The following ST6GAL1 variants were observed in gnomAD, a reference collection of about 807,000 sequenced individuals.
ST6GAL1 encodes the protein beta-galactoside alpha-2,6-sialyltransferase 1.
Under a neutral mutation model 38.0 loss-of-function variants are expected in ST6GAL1, and 20 were observed. That is an observed-to-expected ratio of 0.53 (90% CI 0.37 to 0.77). The LOEUF is 0.77. Among genes scored for constraint, ST6GAL1 ranks in the 30% least tolerant of loss-of-function variants. The probability of loss-of-function intolerance (pLI) is 0.00; values close to 1 mark genes in which losing one functional copy is unlikely to be tolerated. For synonymous variants in ST6GAL1, 196 were observed against 188.2 expected (o/e 1.04, Z -0.34); for missense variants, 432 against 496.4 (o/e 0.87, Z 1.23).
At chr3:186,937,061 CAGTT>C (rs1355306172) in intron 1 of ST6GAL1, among the ~76,000 whole-genome samples, 1 of 150,364 alleles carries the variant, frequency 6.7e-6, no homozygotes, top group African/African-American at 2.4e-5. Flanking sequence ...CCCCTCTTAA[CAGTT>C]GGCAATTTTC....
chr3:187,057,732 T>G (rs1170564663), intron 5 of ST6GAL1, among the ~76,000 whole-genome samples: 2 of 152,184 alleles, frequency 1.3e-5, no homozygotes, highest in African/African-American at 4.8e-5. Flanking sequence ...TGCCTCCCAG[T>G]TAGGCTACAC....
At chr3:186,958,203 G>A (rs1219288286) in intron 1 of ST6GAL1, among the ~76,000 whole-genome samples, 3 of 152,152 alleles carry the variant, frequency 2.0e-5, no homozygotes, top group South Asian at 4.1e-4. Flanking sequence ...TCTACAAATG[G>A]CAACTAAGAA....
intron 2 of ST6GAL1, among the ~76,000 whole-genome samples, chr3:186,977,666 C>T (rs897457219): frequency 1.5e-4 from 23 of 152,158 alleles, no homozygotes; most frequent in Admixed American, 1.4e-3. Context: ...GTCCTCTGAG[C>T]GCCTCAGGAG....
At chr3:187,042,604 A>G in intron 3 of ST6GAL1, 50 bp from the exon 4 acceptor site, 1 of 1,495,580 alleles carries the variant, frequency 6.7e-7, no homozygotes, top group Non-Finnish European at 8.9e-7. Context: ...CTCATGCCAC[A>G]TTGGGTTTTT....
Position 187,074,216 on chromosome 3 carries a change from C to T in ST6GAL1, c.862C>T (p.His288Tyr). 4 of 1,612,886 alleles carry T rather than the reference C, an allele frequency of 2.5e-6. No homozygotes were observed. Among genetic ancestry groups the T allele is most frequent in the Non-Finnish European group, 3.4e-6 (4 of 1,179,522 alleles). The change falls in exon 7 of 8, where the codon CAC becomes TAC. Residue 288 changes from histidine (H) to tyrosine (Y), a missense_variant. Coordinates refer to ENST00000169298, the MANE Select transcript of ST6GAL1 (RefSeq NM_173216.2). ...FNNYKTYRKL[H>Y]PNQPFYILKP... ...CAACTACAAGACTTATCGTAAGCTG[C>T]ACCCCAATCAGCCCTTTTACATCCT...
At chr3:186,970,262 T>A (rs1469541000) in intron 2 of ST6GAL1, among the ~76,000 whole-genome samples, 1 of 150,424 alleles carries the variant, frequency 6.6e-6, no homozygotes, top group Non-Finnish European at 1.5e-5. Context: ...TCACCCAGGC[T>A]GGAGTGCAGT....
At chr3:186,957,438 G>A (rs1714783939) in intron 1 of ST6GAL1, among the ~76,000 whole-genome samples, 1 of 151,980 alleles carries the variant, frequency 6.6e-6, no homozygotes, top group East Asian at 1.9e-4. Context: ...GTGGGACCCT[G>A]TCCCTCCCGC....
intron 2 of ST6GAL1, among the ~76,000 whole-genome samples, chr3:187,017,440 C>T (rs192332102): frequency 6.6e-6 from 1 of 152,002 alleles, no homozygotes; most frequent in Admixed American, 6.6e-5. Flanking sequence ...TAAGTGGTTC[C>T]CTTCACCTAC....
chr3:187,066,359 C>T (rs1008369521), intron 5 of ST6GAL1, among the ~76,000 whole-genome samples: 2 of 152,048 alleles, frequency 1.3e-5, no homozygotes, highest in Admixed American at 6.6e-5. Flanking sequence ...CTCTGCGGGT[C>T]TCTTCTTGTT....
At chr3:186,990,966 C>T (rs1388848732) in intron 2 of ST6GAL1, among the ~76,000 whole-genome samples, 3 of 150,978 alleles carry the variant, frequency 2.0e-5, no homozygotes, top group Non-Finnish European at 4.4e-5. Context: ...GTCTGCAGAC[C>T]GCTGGGCCGG....
intron 2 of ST6GAL1, among the ~76,000 whole-genome samples, chr3:186,988,349 T>C (rs535000475): frequency 2.0e-5 from 3 of 152,044 alleles, no homozygotes; most frequent in Non-Finnish European, 4.4e-5. Flanking sequence ...TGATTTAGAT[T>C]AACACATAAA....
At chr3:186,974,727 G>GGC (rs1553820231) in intron 2 of ST6GAL1, among the ~76,000 whole-genome samples, 2 of 23,066 alleles carry the variant, frequency 8.7e-5, no homozygotes, top group Non-Finnish European at 2.1e-4. Context: ...GAGCCTGGTT[G>GGC]GGGGGGGGGC....
chr3:187,014,872 G>A (rs945079574), intron 2 of ST6GAL1, among the ~76,000 whole-genome samples: 5 of 152,118 alleles, frequency 3.3e-5, no homozygotes, highest in African/African-American at 4.8e-5. Context: ...GAGGCATTTT[G>A]TTCTTGCTTG....
chr3:187,002,561 T>C (rs1048043411), intron 2 of ST6GAL1, among the ~76,000 whole-genome samples: 3 of 152,208 alleles, frequency 2.0e-5, no homozygotes, highest in African/African-American at 7.2e-5. Context: ...GGAGGTTCAT[T>C]GTGGCTTTCT....
chr3:187,041,558 T>C (rs922954260), intron 3 of ST6GAL1, among the ~76,000 whole-genome samples: 3 of 152,238 alleles, frequency 2.0e-5, no homozygotes, highest in Admixed American at 2.0e-4. Context: ...ATTCAGTCTC[T>C]ATTTGCTCAG....
intron 2 of ST6GAL1, among the ~76,000 whole-genome samples, chr3:186,979,985 C>A (rs1715640685): frequency 6.6e-6 from 1 of 152,170 alleles, no homozygotes; most frequent in Admixed American, 6.5e-5. Flanking sequence ...TCATTTATTC[C>A]TCCGTATACC....
At chr3:187,024,489 TATATAGAGAGAGAGAG>T (rs1406496607) in intron 2 of ST6GAL1, among the ~76,000 whole-genome samples, 5 of 90,966 alleles carry the variant, frequency 5.5e-5, no homozygotes, top group Admixed American at 1.0e-4. Context: ...TATATATATA[TATATAGAGAGAGAGAG>T]AGAGAGAGAG....
At chr3:187,003,836 A>C (rs1347304045) in intron 2 of ST6GAL1, among the ~76,000 whole-genome samples, 1 of 152,348 alleles carries the variant, frequency 6.6e-6, no homozygotes, top group East Asian at 1.9e-4. Context: ...TATTATTGCC[A>C]AAACATTTTT....
At chr3:187,061,471 CA>C (rs1718912367) in intron 5 of ST6GAL1, among the ~76,000 whole-genome samples, 1 of 151,896 alleles carries the variant, frequency 6.6e-6, no homozygotes, top group South Asian at 2.1e-4. Context: ...TTCTTGATTT[CA>C]AAAAATACAT....
Sources: gnomAD v4.1 joint callset for allele counts (sites outside exome capture counted in the v4.1 genomes callset) on GRCh38, gnomAD v4.1.1 for gene constraint, MANE v1.5 for transcripts, NCBI Gene and HGNC (gene_info 2026-07-23, HGNC 2026-07-21) for gene names.